Variants in ICA1L observed in about 807,000 individuals in gnomAD.
ICA1L encodes islet cell autoantigen 1-like protein.
Under a neutral mutation model 61.3 loss-of-function variants are expected in ICA1L, and 50 were observed. The observed-to-expected ratio is 0.82, with a 90% CI of 0.65 to 1.03. ICA1L has a LOEUF of 1.03. Among genes scored for constraint, ICA1L ranks in the 50% least tolerant of loss-of-function variants. The probability of loss-of-function intolerance (pLI) is 0.00; values close to 1 mark genes in which losing one functional copy is unlikely to be tolerated. For synonymous variants in ICA1L, 161 were observed against 191.3 expected, an observed-to-expected ratio of 0.84 and a Z score of 1.31; for missense variants, 508 against 556.7, an observed-to-expected ratio of 0.91 and a Z score of 0.88.
intron 1 of ICA1L, among the ~76,000 whole-genome samples, chr2:202,863,156 G>T (rs1365323481): frequency 3.3e-5 from 5 of 151,972 alleles, no homozygotes; most frequent in Non-Finnish European, 7.4e-5. Flanking sequence ...GCCGGGTGTG[G>T]TGGCAAGCAC....
In ICA1L at chr2:202,776,016, T is replaced by C. The variant is rs915680426; in HGVS notation, c.*3517A>G. On this transcript the variant is annotated 3_prime_UTR_variant, in exon 13 of 13. Transcript: ENST00000358299. ...CTTTATTAAAAGAGGCTCAGAAAAA[T>C]AGATAGAGCACATGTAAACTTCCTT... 6.7e-6 allele frequency: 1 copy of C among 148,160 alleles called. No individual in the cohort carries two copies. Among genetic ancestry groups the C allele is most frequent in the Non-Finnish European group, 1.5e-5 (1 of 67,842 alleles). The allele number at this position is 148,160 out of a possible 1,614,324, so 9.2% of individuals were successfully genotyped here. A position where few individuals can be genotyped will look rare whatever the true frequency, so the allele number is the denominator to read the frequency against.
At chr2:202,802,225 C>T (rs1693103812) in intron 9 of ICA1L, among the ~76,000 whole-genome samples, 1 of 151,816 alleles carries the variant, frequency 6.6e-6, no homozygotes, top group Non-Finnish European at 1.5e-5. Context: ...CAAGAGGAGA[C>T]AATTAGTGAG....
chr2:202,783,247 T>C (rs1692468575), intron 12 of ICA1L, among the ~76,000 whole-genome samples: 1 of 152,194 alleles, frequency 6.6e-6, no homozygotes, highest in Admixed American at 6.5e-5. Flanking sequence ...AAAACTTCAG[T>C]AGAAACAAAC....
intron 1 of ICA1L, among the ~76,000 whole-genome samples, chr2:202,839,884 C>T (rs1694274218): frequency 6.6e-6 from 1 of 151,728 alleles, no homozygotes; most frequent in South Asian, 2.1e-4. Context: ...TTGTGTTTAC[C>T]ATGAGGCTTA....
At chr2:202,834,656 C>T (rs72932789) in intron 1 of ICA1L, among the ~76,000 whole-genome samples, 13,696 of 152,060 alleles carry the variant, frequency 0.09, 750 homozygotes, top group Non-Finnish European at 0.12. Context: ...AACCCTACCA[C>T]ACACAGACAA....
intron 1 of ICA1L, chr2:202,844,603 A>C (rs1241037564): frequency 6.6e-6 from 1 of 152,140 alleles, no homozygotes; most frequent in African/African-American, 2.4e-5. Flanking sequence ...TGAGAGAAGA[A>C]AGAAGGAATT....
chr2:202,819,667 A>G (rs370358864), intron 5 of ICA1L, 34 bp downstream of exon 5: 5 of 1,479,450 alleles, frequency 3.4e-6, no homozygotes, highest in Non-Finnish European at 4.7e-6. Flanking sequence ...CATATTTCAT[A>G]CACCAAGAAA....
At chr2:202,829,087 G>T in intron 1 of ICA1L, 71 bp from the exon 2 acceptor site, 3 of 1,312,084 alleles carry the variant, frequency 2.3e-6, no homozygotes, top group South Asian at 1.5e-5. Context: ...GGTGGCTCAC[G>T]CCTGTAATTC....
At chr2:202,833,484 C>G (rs1364863782) in intron 1 of ICA1L, among the ~76,000 whole-genome samples, 1 of 152,108 alleles carries the variant, frequency 6.6e-6, no homozygotes, top group Non-Finnish European at 1.5e-5. Context: ...ACTCAGGAGG[C>G]TGAGGCAGAA....
Position 202,773,929 on chromosome 2 carries a change from G to C in ICA1L, c.*5604C>G. On this transcript the variant is annotated 3_prime_UTR_variant, in exon 13 of 13. Coordinates refer to ENST00000358299, the MANE Select transcript of ICA1L (RefSeq NM_001288622.3). ...AGAACAGTCAACGTAGAAAGAGACA[G>C]AAAGATTCTTCTCTTCCGCTTATTA... The C allele has an allele frequency of 8.4e-7, 1 of 1,188,528 alleles. No homozygotes were observed. The highest frequency in any genetic ancestry group is 1.3e-5 in the South Asian group (1 of 76,208). 73.6% of individuals were successfully genotyped at this position (1,188,528 alleles called of 1,614,324 possible).
chr2:202,793,499 A>G (rs1216093186), intron 10 of ICA1L, among the ~76,000 whole-genome samples: 1 of 123,808 alleles, frequency 8.1e-6, no homozygotes, highest in African/African-American at 3.6e-5. Context: ...TCTACTAAAA[A>G]AAAAAAAAAA....
At chr2:202,828,569 G>T (rs1229150545) in intron 2 of ICA1L, among the ~76,000 whole-genome samples, 2 of 152,198 alleles carry the variant, frequency 1.3e-5, no homozygotes, top group African/African-American at 4.8e-5. Context: ...AACTGGGAAT[G>T]TAATCATTAA....
At chr2:202,837,609 A>ACT (rs1216054114) in intron 1 of ICA1L, among the ~76,000 whole-genome samples, 1 of 151,184 alleles carries the variant, frequency 6.6e-6, no homozygotes, top group African/African-American at 2.4e-5. Context: ...AATCTTTTCT[A>ACT]CTGTTTTTCT....
intron 1 of ICA1L, among the ~76,000 whole-genome samples, chr2:202,838,276 A>G (rs1422310205): frequency 1.3e-5 from 2 of 152,232 alleles, no homozygotes; most frequent in Non-Finnish European, 2.9e-5. Flanking sequence ...CGAGTTTCAT[A>G]CCATTGCAAT....
intron 10 of ICA1L, among the ~76,000 whole-genome samples, chr2:202,792,834 C>G (rs1692797683): frequency 1.3e-5 from 2 of 152,142 alleles, no homozygotes; most frequent in Non-Finnish European, 2.9e-5. Flanking sequence ...TAATAAACTA[C>G]TGATATATAC....
intron 1 of ICA1L, among the ~76,000 whole-genome samples, chr2:202,847,695 T>TTATATATATATATATATATATATATATG (rs80134434): frequency 1.3e-4 from 13 of 102,230 alleles, no homozygotes; most frequent in African/African-American, 5.2e-4. Context: ...TATATGGGAA[T>TTATATATATATATATATATATATATATG]TATATATATA....
At chr2:202,837,595 T>C (rs1559143388) in intron 1 of ICA1L, among the ~76,000 whole-genome samples, 1 of 152,018 alleles carries the variant, frequency 6.6e-6, no homozygotes, top group Non-Finnish European at 1.5e-5. Flanking sequence ...CCAGCTCTTC[T>C]TTTAATCTTT....
chr2:202,807,217 G>A (rs994165439), intron 9 of ICA1L, among the ~76,000 whole-genome samples: 1 of 152,232 alleles, frequency 6.6e-6, no homozygotes, highest in African/African-American at 2.4e-5. Context: ...CACTGAAGAA[G>A]ATAGGAAAGA....
Position 202,779,605 on chromosome 2 carries a change from C to T in ICA1L, c.1377G>A (p.Leu459=). 6.2e-7 allele frequency: 1 copy of T among 1,613,224 alleles called. No individual in the cohort carries two copies. The highest frequency in any genetic ancestry group is 8.5e-7 in the Non-Finnish European group (1 of 1,179,772). Residue 459 remains leucine (L), a synonymous_variant, in exon 13 of 13, where the codon CTG becomes CTA. Transcript: ENST00000358299. ...GNQDMSAWFN[L]FADLDPLSNP... is the part of the protein sequence containing the mutation. ...TTGAAAGTGGATCCAAGTCTGCAAA[C>T]AGATTGAACCAGGCTGACATGTCTT...
Sources: allele counts gnomAD v4.1 joint callset (sites outside exome capture counted in the v4.1 genomes callset), GRCh38; gene constraint gnomAD v4.1.1; transcripts MANE v1.5; gene names NCBI Gene and HGNC (gene_info 2026-07-23, HGNC 2026-07-21).